PTPRD: variants seen among roughly 807,000 people sequenced by gnomAD.
PTPRD encodes protein tyrosine phosphatase receptor type D, also known as receptor-type tyrosine-protein phosphatase delta.
PTPRD carries 34 observed loss-of-function variants against 214.5 expected under a neutral mutation model. The observed-to-expected ratio is 0.16, with a 90% CI of 0.12 to 0.21. The LOEUF (loss-of-function observed/expected upper bound fraction) is 0.21. Among genes scored for constraint, PTPRD ranks in the 10% least tolerant of loss-of-function variants. The pLI is 1.00. For missense variants in PTPRD, 2,545 were observed against 2,398.7 expected, an observed-to-expected ratio of 1.06 and a Z score of -1.27; for synonymous variants, 1,128 against 845.7, an observed-to-expected ratio of 1.33 and a Z score of -5.79.
intron 9 of PTPRD, among the ~76,000 whole-genome samples, chr9:9,338,113 T>G (rs1332797): frequency 0.45 from 68,666 of 151,982 alleles, 18,376 homozygotes; most frequent in African/African-American, 0.76. Context: ...CAATGACAAA[T>G]AGTCATTATG....
intron 8 of PTPRD, among the ~76,000 whole-genome samples, chr9:9,476,279 G>A (rs992371901): frequency 2.6e-5 from 4 of 152,118 alleles, no homozygotes; most frequent in Admixed American, 6.5e-5. Context: ...TAGATGATTA[G>A]CAAGCAAATA....
intron 11 of PTPRD, among the ~76,000 whole-genome samples, chr9:8,927,089 C>T (rs1375658920): frequency 6.6e-6 from 1 of 152,048 alleles, no homozygotes; most frequent in Admixed American, 6.6e-5. Context: ...AAGTTAGTAG[C>T]TACATTTTTA....
intron 5 of PTPRD, among the ~76,000 whole-genome samples, chr9:9,885,366 G>A (rs2070451490): frequency 6.6e-6 from 1 of 151,964 alleles, no homozygotes; most frequent in Admixed American, 6.6e-5. Context: ...ATGCCTCATA[G>A]AATCTTTAAC....
intron 23 of PTPRD, among the ~76,000 whole-genome samples, chr9:8,501,644 A>G (rs1592148845): frequency 6.6e-6 from 1 of 152,234 alleles, no homozygotes; most frequent in South Asian, 2.1e-4. Context: ...CTCTATCTGA[A>G]AAACTGAGTT....
chr9:8,862,650 T>A (rs2098127082), intron 11 of PTPRD, among the ~76,000 whole-genome samples: 1 of 151,470 alleles, frequency 6.6e-6, no homozygotes, highest in Non-Finnish European at 1.5e-5. Context: ...TTGAGACATG[T>A]TGTGCAATCA....
At chr9:9,656,627 G>C (rs2096522482) in intron 7 of PTPRD, among the ~76,000 whole-genome samples, 1 of 152,156 alleles carries the variant, frequency 6.6e-6, no homozygotes, top group African/African-American at 2.4e-5. Flanking sequence ...GAGCAGTGCA[G>C]AGGAATAGGT....
intron 9 of PTPRD, among the ~76,000 whole-genome samples, chr9:9,303,918 T>C (rs2135025751): frequency 6.6e-6 from 1 of 152,262 alleles, no homozygotes. Flanking sequence ...CTTTAAGGAA[T>C]ACTTATAAAC....
intron 10 of PTPRD, among the ~76,000 whole-genome samples, chr9:9,043,527 A>G (rs1006329649): frequency 6.6e-6 from 1 of 152,198 alleles, no homozygotes; most frequent in Non-Finnish European, 1.5e-5. Context: ...CAACTAAACC[A>G]TCATGGAGAA....
chr9:8,894,444 C>T (rs1197484660), intron 11 of PTPRD, among the ~76,000 whole-genome samples: 1 of 142,498 alleles, frequency 7.0e-6, no homozygotes, highest in Non-Finnish European at 1.6e-5. Flanking sequence ...AAACCAGACA[C>T]TGACAAATAC....
chr9:9,754,636 G>A (rs2098551692), intron 6 of PTPRD, among the ~76,000 whole-genome samples: 1 of 151,848 alleles, frequency 6.6e-6, no homozygotes, highest in African/African-American at 2.4e-5. Flanking sequence ...TATTTTTAAG[G>A]GCACTATATT....
chr9:8,523,173 T>G (rs1413246928), intron 19 of PTPRD, among the ~76,000 whole-genome samples: 2 of 152,118 alleles, frequency 1.3e-5, no homozygotes, highest in Non-Finnish European at 2.9e-5. Context: ...AAAGTCATTC[T>G]ATGGGCAGCA....
intron 30 of PTPRD, among the ~76,000 whole-genome samples, chr9:8,471,552 C>A (rs775227614): frequency 2.0e-5 from 3 of 152,066 alleles, no homozygotes; most frequent in African/African-American, 4.8e-5. Flanking sequence ...ACCTAAAATG[C>A]TTTTTATTTG....
rs551592673 is a variant in PTPRD, at chr9:9,812,636, T to C, written c.-367-45785A>G. Among the ~76,000 whole-genome samples the C allele has an allele frequency of 1.9e-3, 287 of 152,270 alleles. 3 individuals are homozygous for C. Among genetic ancestry groups the C allele is most frequent in the Non-Finnish European group, 6.9e-4 (47 of 67,996 alleles). ...GATGTAACAATTGTAAATATACATGTACTCTATATTGGAGCACCTAAATAT... is the reference window on the plus strand; with the variant it reads ...GATGTAACAATTGTAAATATACATGCACTCTATATTGGAGCACCTAAATAT... On this transcript the variant is annotated intron_variant, in intron 5 of 45. Coordinates refer to ENST00000381196, the MANE Select transcript of PTPRD (RefSeq NM_002839.4).
chr9:8,938,856 A>T (rs1355380524), intron 11 of PTPRD, among the ~76,000 whole-genome samples: 1 of 152,158 alleles, frequency 6.6e-6, no homozygotes, highest in Non-Finnish European at 1.5e-5. Context: ...TAGCATATTA[A>T]TTAAGACAAG....
chr9:10,475,300 G>C lies in PTPRD; in HGVS notation c.-599-134283C>G, dbSNP rs538622511. 2.0e-5 allele frequency among the ~76,000 whole-genome samples: 3 copies of C among 151,880 alleles called. No homozygotes were observed. In the South Asian group the frequency reaches 6.2e-4, roughly 32 times the overall value. Reference sequence around the variant, plus strand: ...TAGACACAATAAAAAATGATAAAGGGGATATCACCACTGATTCCACAGAAA... The same window carrying C: ...TAGACACAATAAAAAATGATAAAGGCGATATCACCACTGATTCCACAGAAA... On this transcript the variant is annotated intron_variant, in intron 2 of 45. Transcript: ENST00000381196.
intron 11 of PTPRD, among the ~76,000 whole-genome samples, chr9:8,810,699 G>C (rs556927790): frequency 2.0e-5 from 3 of 152,266 alleles, no homozygotes; most frequent in Admixed American, 6.5e-5. Context: ...GCAACTATTT[G>C]AATTTTGGTT....
intron 8 of PTPRD, among the ~76,000 whole-genome samples, chr9:9,524,386 A>G (rs117470853): frequency 4.0e-4 from 61 of 152,246 alleles, no homozygotes; most frequent in Middle Eastern, 3.4e-3. Flanking sequence ...TAGTTCTCAA[A>G]TTCTATTTTG....
intron 5 of PTPRD, among the ~76,000 whole-genome samples, chr9:9,916,496 G>A (rs867792378): frequency 6.6e-6 from 1 of 151,688 alleles, no homozygotes; most frequent in African/African-American, 2.4e-5. Context: ...ATATAAATTG[G>A]TTGAATAGAT....
intron 8 of PTPRD, among the ~76,000 whole-genome samples, chr9:9,406,834 C>T (rs1434691106): frequency 9.5e-6 from 1 of 104,850 alleles, no homozygotes; most frequent in Non-Finnish European, 1.9e-5. Context: ...CTAATATGAA[C>T]TCTTTCTTCT....
Sources: gnomAD v4.1 joint callset for allele counts (sites outside exome capture counted in the v4.1 genomes callset) on GRCh38, gnomAD v4.1.1 for gene constraint, MANE v1.5 for transcripts, NCBI Gene and HGNC (gene_info 2026-07-23, HGNC 2026-07-21) for gene names.